The following BDH1 variants were observed in gnomAD, a reference collection of about 807,000 sequenced individuals.
The protein encoded by BDH1 is D-beta-hydroxybutyrate dehydrogenase, mitochondrial.
A neutral mutation model predicts 33.1 loss-of-function variants in BDH1; 30 were observed. The ratio of observed to expected loss-of-function variants is 0.91; its 90% CI spans 0.68 to 1.23. The LOEUF (loss-of-function observed/expected upper bound fraction) is 1.23. Ranked by LOEUF, BDH1 falls within the 50% of genes most tolerant of loss-of-function variation. The pLI, the probability that BDH1 is intolerant of heterozygous loss-of-function variation, is 0.00. For missense variants in BDH1, 443 were observed against 464.4 expected (o/e 0.95, Z 0.42); for synonymous variants, 190 against 183.6 (o/e 1.03, Z -0.28).
chr3:197,553,789 A>G (rs902991781), intron 2 of BDH1, among the ~76,000 whole-genome samples: 1 of 152,222 alleles, frequency 6.6e-6, no homozygotes, highest in Non-Finnish European at 1.5e-5. Flanking sequence ...GGAACTGATT[A>G]GAATTGGTAA....
At chr3:197,533,670 G>A in intron 3 of BDH1, 109 bp from the exon 4 acceptor site, 1 of 1,062,332 alleles carries the variant, frequency 9.4e-7, no homozygotes, top group East Asian at 2.5e-5. Context: ...CCTGGAGACA[G>A]CTTGCTGGTA....
chr3:197,534,244 C>T (rs1380698293), intron 3 of BDH1: 1 of 152,194 alleles, frequency 6.6e-6, no homozygotes, highest in East Asian at 1.9e-4. Context: ...TTTCTTCCCA[C>T]CCGGCTCCAT....
chr3:197,572,922 C>T (rs1356585892), intron 1 of BDH1, among the ~76,000 whole-genome samples: 1 of 152,078 alleles, frequency 6.6e-6, no homozygotes, highest in Non-Finnish European at 1.5e-5. Context: ...AATTCTTTTT[C>T]CAATTATTTT....
At chr3:197,541,979 T>C (rs1222673169) in intron 3 of BDH1, among the ~76,000 whole-genome samples, 1 of 152,242 alleles carries the variant, frequency 6.6e-6, no homozygotes, top group Non-Finnish European at 1.5e-5. Flanking sequence ...ATCTGGATTT[T>C]GTCCAGGGAC....
At chr3:197,571,729 C>A (rs1260907370) in intron 1 of BDH1, among the ~76,000 whole-genome samples, 2 of 152,140 alleles carry the variant, frequency 1.3e-5, no homozygotes, top group African/African-American at 2.4e-5. Flanking sequence ...CTTGGGTATG[C>A]CTTTATCAGC....
chr3:197,568,710 T>C (rs552645530), intron 1 of BDH1, among the ~76,000 whole-genome samples: 1 of 152,132 alleles, frequency 6.6e-6, no homozygotes, highest in African/African-American at 2.4e-5. Flanking sequence ...AGCAATGTTC[T>C]TTTGAGGTAA....
chr3:197,559,071 C>T (rs1473567349), upstream of BDH1, among the ~76,000 whole-genome samples: 6 of 150,050 alleles, frequency 4.0e-5, no homozygotes, highest in Non-Finnish European at 7.4e-5. Flanking sequence ...GGTGCGATCT[C>T]GGCTCACTGC....
upstream of BDH1, among the ~76,000 whole-genome samples, chr3:197,556,389 CG>C (rs1224880763): frequency 6.6e-6 from 1 of 152,168 alleles, no homozygotes; most frequent in Non-Finnish European, 1.5e-5. Flanking sequence ...ATTTAAAGGC[CG>C]GGGGCGGTGG....
rs138431707 is a variant in BDH1, at chr3:197,540,714, G to A, written c.83+5647C>T. ...GTAACAAAAAGGTCTAGGCAAGAGA[G>A]CTTATTTCAGATTGACTTGCTGCCC... On this transcript the variant is annotated intron_variant, in intron 3 of 7. Transcript: ENST00000392379. 1.4e-4 allele frequency among the ~76,000 whole-genome samples: 21 copies of A among 152,222 alleles called. No individual in the cohort carries two copies. The East Asian group carries it at 4.1e-3, about 29-fold the overall frequency.
At chr3:197,549,581 A>T (rs1579989057) in intron 2 of BDH1, among the ~76,000 whole-genome samples, 2 of 152,222 alleles carry the variant, frequency 1.3e-5, no homozygotes, top group Non-Finnish European at 2.9e-5. Flanking sequence ...GTTTCTGGAC[A>T]TGAAGCCTAC....
At chr3:197,558,340 G>A (rs1303386477), upstream of BDH1, among the ~76,000 whole-genome samples, 1 of 152,216 alleles carries the variant, frequency 6.6e-6, no homozygotes, top group Non-Finnish European at 1.5e-5. Flanking sequence ...GACAAACTTT[G>A]ACCAAAGGGC....
chr3:197,513,797 G>A (rs1410954750), intron 7 of BDH1, among the ~76,000 whole-genome samples: 2 of 152,188 alleles, frequency 1.3e-5, no homozygotes, highest in African/African-American at 2.4e-5. Context: ...CCACCCACAT[G>A]GTTTGGGTGT....
chr3:197,542,563 G>A (rs1715737842), intron 3 of BDH1, among the ~76,000 whole-genome samples: 1 of 118,260 alleles, frequency 8.5e-6, no homozygotes, highest in Non-Finnish European at 1.6e-5. Flanking sequence ...TGCTCTTGTC[G>A]CCCAGGCTGG....
rs1228036633 is a variant in BDH1 at position 197,520,505 on chromosome 3, G to A, written c.409+2135C>T. On this transcript the variant is annotated intron_variant, in intron 6 of 7. Coordinates refer to ENST00000392379, the MANE Select transcript of BDH1 (RefSeq NM_203314.3). This position sits in a 1 kb window ranked among gnomAD's most constrained non-coding sequence, Gnocchi z 6.0. Reference sequence around the variant, plus strand: ...TAGGTTAGGCTGCCTGGCCAGTCCAGTACAGACAATGGAAGTGATTCTGCC... The same window carrying A: ...TAGGTTAGGCTGCCTGGCCAGTCCAATACAGACAATGGAAGTGATTCTGCC... Among the ~76,000 whole-genome samples, 2 of 152,174 alleles carry A rather than the reference G, an allele frequency of 1.3e-5. No individual in the cohort carries two copies. The highest frequency in any genetic ancestry group is 1.9e-4 in the East Asian group (1 of 5,180).
intron 6 of BDH1, chr3:197,515,557 A>T (rs1712612257): frequency 8.1e-6 from 8 of 985,416 alleles, no homozygotes; most frequent in Non-Finnish European, 9.6e-6. Flanking sequence ...TCTCTTTTAC[A>T]CAATTTCAGC....
intron 1 of BDH1, among the ~76,000 whole-genome samples, chr3:197,568,882 A>G (rs1717516847): frequency 6.6e-6 from 1 of 152,210 alleles, no homozygotes; most frequent in East Asian, 1.9e-4. Context: ...CTATATTCTT[A>G]GAGTGGAATC....
chr3:197,568,703 A>C (rs1427270555), intron 1 of BDH1, among the ~76,000 whole-genome samples: 1 of 152,104 alleles, frequency 6.6e-6, no homozygotes, highest in Non-Finnish European at 1.5e-5. Context: ...AAATTTAAGC[A>C]ATGTTCTTTT....
intron 3 of BDH1, among the ~76,000 whole-genome samples, chr3:197,540,063 T>C (rs1241738281): frequency 1.3e-5 from 2 of 152,132 alleles, no homozygotes; most frequent in Non-Finnish European, 2.9e-5. Flanking sequence ...TTAGCACTTT[T>C]TTTTTTAGAC....
chr3:197,530,105 A>G (rs1377192224), intron 5 of BDH1: 1 of 152,178 alleles, frequency 6.6e-6, no homozygotes, highest in Non-Finnish European at 1.5e-5. Flanking sequence ...TCATGTCCTT[A>G]AAGAACAGGG....
Sources: allele counts gnomAD v4.1 joint callset (sites outside exome capture counted in the v4.1 genomes callset), GRCh38; gene constraint gnomAD v4.1.1; non-coding constraint Gnocchi (gnomAD v3.1); transcripts MANE v1.5; gene names NCBI Gene and HGNC (gene_info 2026-07-23, HGNC 2026-07-21).